Variants in CP observed in about 807,000 individuals in gnomAD.
The protein encoded by CP is caeruloplasmin.
A neutral mutation model predicts 122.4 loss-of-function variants in CP; 64 were observed. That is an observed-to-expected ratio of 0.52 (90% CI 0.43 to 0.64). CP has a LOEUF of 0.64. CP is among the 30% of genes least tolerant of loss of function. CP has a pLI of 0.00. For synonymous variants in CP, 440 were observed against 436.4 expected (o/e 1.01, Z -0.10); for missense variants, 1,167 against 1,284.4 (o/e 0.91, Z 1.40).
chr3:149,177,612 T>C (rs1346082679), intron 17 of CP, among the ~76,000 whole-genome samples: 1 of 152,226 alleles, frequency 6.6e-6, no homozygotes, highest in Admixed American at 6.5e-5. Flanking sequence ...TTCAACATAG[T>C]ACTCAGTGCA....
At chr3:149,199,656 C>A (rs1444326186) in intron 8 of CP, 56 bp downstream of exon 8, 1 of 1,598,292 alleles carries the variant, frequency 6.3e-7, no homozygotes, top group Middle Eastern at 2.0e-4. Context: ...CTGTCAGTGA[C>A]CAGTACAGTG....
At chr3:149,207,765 G>T in intron 4 of CP, 148 bp from the exon 5 acceptor site, 1 of 804,678 alleles carries the variant, frequency 1.2e-6, no homozygotes, top group Non-Finnish European at 2.1e-6. Flanking sequence ...GTCAGACATT[G>T]CTAATCAATC....
Position 149,162,730 on chromosome 3 carries a change from T to C in CP, c.*159A>G. The C allele has an allele frequency of 5.0e-6, 8 of 1,614,110 alleles. No homozygotes were observed. Among genetic ancestry groups the C allele is most frequent in the Non-Finnish European group, 6.8e-6 (8 of 1,179,974 alleles). ...GATGAAGATACAATTCCTCAGCTCTTGGTAGACTTTTGGGAAGCTCAGCTA... is the reference window on the plus strand; with the variant it reads ...GATGAAGATACAATTCCTCAGCTCTCGGTAGACTTTTGGGAAGCTCAGCTA... On this transcript the variant is annotated 3_prime_UTR_variant, in exon 6 of 6. Coordinates refer to the CP transcript ENST00000479771.
At chr3:149,181,984 C>G in intron 14 of CP, 21 bp downstream of exon 14, 2 of 565,074 alleles carry the variant, frequency 3.5e-6, no homozygotes, top group Non-Finnish European at 6.7e-6. Context: ...GCACCACCCC[C>G]ACCCCCGCCC....
At chr3:149,176,200 T>C in intron 18 of CP, 50 bp downstream of exon 18, 1 of 1,558,174 alleles carries the variant, frequency 6.4e-7, no homozygotes, top group Non-Finnish European at 8.8e-7. Flanking sequence ...GTAGTTCCTT[T>C]AGTTATATCT....
Position 149,183,622 on chromosome 3 carries a change from A to C in CP, c.2286-17T>G. 1 of 1,510,092 alleles carries C rather than the reference A, an allele frequency of 6.6e-7. No individual in the cohort carries two copies. The highest frequency in any genetic ancestry group is 1.2e-5 in the South Asian group (1 of 85,710). The allele number at this position is 1,510,092 out of a possible 1,614,324, so 93.5% of individuals were successfully genotyped here. On this transcript the variant is annotated splice_polypyrimidine_tract_variant and intron_variant, in intron 12 of 18. Coordinates refer to ENST00000264613, the MANE Select transcript of CP (RefSeq NM_000096.4). ...TTTGAAACACTTAAAAAAAAAAACA[A>C]CTAAGGTTAGTATTTGTCTTAATGA...
chr3:149,168,520 G>A (rs1724658209), downstream of CP: 1 of 156,434 alleles, frequency 6.4e-6, no homozygotes, highest in Non-Finnish European at 1.4e-5. Context: ...AATATAATTA[G>A]TTGTTTTCCC....
chr3:149,195,730 G>T (rs1408610998), intron 9 of CP, among the ~76,000 whole-genome samples: 1 of 152,138 alleles, frequency 6.6e-6, no homozygotes, highest in African/African-American at 2.4e-5. Context: ...GCTGGGCGTG[G>T]TGGCGGGCGC....
chr3:149,215,350 C>A (rs1290008900), intron 1 of CP, among the ~76,000 whole-genome samples: 2 of 152,098 alleles, frequency 1.3e-5, no homozygotes, highest in Non-Finnish European at 2.9e-5. Context: ...AGACCAAGAC[C>A]AAGACCTATA....
chr3:149,207,459 T>C lies in CP; in HGVS notation c.940A>G (p.Ile314Val), dbSNP rs768919463. The stretch of plus-strand genomic sequence containing the variant: ...AACAGGGTAGCAGGAAAGAGGTTGA[T>C]TGTGTCAATACGGTAGTTCTTGTTA... The part of the protein sequence containing the change: ...LTNKNYRIDT[I>V]NLFPATLFDA... The change falls in exon 5 of 19, where the codon ATC becomes GTC. Residue 314 changes from isoleucine to valine, a missense_variant. Around this residue, in one of 2 missense-constraint regions of CP, gnomAD observed 642 missense variants for 627.3 expected, o/e 1.02. Coordinates refer to ENST00000264613, the MANE Select transcript of CP (RefSeq NM_000096.4). 3.1e-6 allele frequency: 5 copies of C among 1,613,892 alleles called. 1 individual carries two copies. The African/African-American group carries it at 5.3e-5, about 17-fold the overall frequency.
intron 14 of CP, 23 bp downstream of exon 14, chr3:149,181,982 C>CA: frequency 3.8e-6 from 2 of 532,610 alleles, no homozygotes; most frequent in South Asian, 2.9e-5. Context: ...ATGCACCACC[C>CA]CCACCCCCGC....
chr3:149,165,324 T>C (rs1724307514), intron 5 of CP, among the ~76,000 whole-genome samples: 1 of 152,232 alleles, frequency 6.6e-6, no homozygotes, highest in African/African-American at 2.4e-5. Context: ...AGCATATTTA[T>C]AATCATTGCT....
intron 8 of CP, 150 bp from the exon 9 acceptor site, chr3:149,198,728 AT>A: frequency 1.4e-6 from 1 of 737,002 alleles, no homozygotes; most frequent in Non-Finnish European, 2.4e-6. Context: ...CTGGTGTCAG[AT>A]AACAGACCGA....
intron 5 of CP, among the ~76,000 whole-genome samples, chr3:149,207,148 T>C (rs1727788621): frequency 6.6e-6 from 1 of 152,214 alleles, no homozygotes; most frequent in African/African-American, 2.4e-5. Flanking sequence ...CCAGTTGTTC[T>C]TTCCAAAAAC....
downstream of CP, among the ~76,000 whole-genome samples, chr3:149,167,624 C>T (rs556210165): frequency 4.1e-4 from 62 of 152,030 alleles, no homozygotes; most frequent in South Asian, 3.3e-3. Context: ...GAGATGATAA[C>T]GGGATATGTC....
At chr3:149,181,709 G>A (rs1725786616) in intron 14 of CP, among the ~76,000 whole-genome samples, 1 of 152,166 alleles carries the variant, frequency 6.6e-6, no homozygotes, top group Non-Finnish European at 1.5e-5. Flanking sequence ...TGTGGTAGAT[G>A]CCATTTGAGC....
rs778303544 is a variant in CP, at chr3:149,212,511, G to A, written c.334C>T (p.Leu112Phe). 1.9e-6 allele frequency: 3 copies of A among 1,613,934 alleles called. No homozygotes were observed. Among genetic ancestry groups the A allele is most frequent in the Non-Finnish European group, 2.5e-6 (3 of 1,179,926 alleles). The change falls in exon 2 of 19, where the codon CTT becomes TTT. Residue 112 changes from leucine (L) to phenylalanine (F), a missense_variant. Leu to Phe is a conservative substitution (Grantham distance 22, BLOSUM62 0). Coordinates refer to ENST00000264613, the MANE Select transcript of CP (RefSeq NM_000096.4). ...GDKVYVHLKN[L>F]ASRPYTFHSH... The stretch of plus-strand genomic sequence containing the variant: ...TGAAAGGTGTAGGGCCTAGAGGCAA[G>A]GTTTTTTAAGTGTACATAAACTTTA...
chr3:149,172,411 C>CAAT (rs1467800489), downstream of CP: 2 of 526,950 alleles, frequency 3.8e-6, no homozygotes, highest in Non-Finnish European at 3.4e-6. Flanking sequence ...GGTAACTATT[C>CAAT]ACTTCTTAAT....
Position 149,179,711 on chromosome 3 carries a change from TACACACACAC to T in CP, c.2555-59_2555-50del, listed in dbSNP as rs71304221. Reference sequence around the variant, plus strand: ...ATCTGGTTGTATTTGGTTTATATTGTACACACACACACACACACACACACACACACACACA... The same window carrying T: ...ATCTGGTTGTATTTGGTTTATATTGTACACACACACACACACACACACACA... On this transcript the variant is annotated intron_variant, in intron 14 of 18. Transcript: ENST00000264613. 2,273 of 609,004 alleles carry T rather than the reference TACACACACAC, an allele frequency of 3.7e-3. 5 individuals are homozygous for T. The highest frequency in any genetic ancestry group is 5.4e-3 in the Non-Finnish European group (1,831 of 339,402). 37.7% of individuals were successfully genotyped at this position (609,004 alleles called of 1,614,324 possible).
Sources: allele counts gnomAD v4.1 joint callset (sites outside exome capture counted in the v4.1 genomes callset), GRCh38; gene constraint gnomAD v4.1.1; regional missense constraint gnomAD v4.1.1; transcripts MANE v1.5; gene names NCBI Gene and HGNC (gene_info 2026-07-23, HGNC 2026-07-21).